Variants in DACT3 observed in about 807,000 individuals in gnomAD.
DACT3 encodes the protein dishevelled binding antagonist of beta catenin 3.
DACT3 carries 5 observed loss-of-function variants against 19.6 expected under a neutral mutation model. That is an observed-to-expected ratio of 0.26 (90% CI 0.13 to 0.54). DACT3 has a LOEUF of 0.54. Ranked by LOEUF, DACT3 falls within the 20% of genes least tolerant of loss-of-function variation. The probability of loss-of-function intolerance (pLI) is 0.95; values close to 1 mark genes in which losing one functional copy is unlikely to be tolerated. For synonymous variants in DACT3, 454 were observed against 428.1 expected (o/e 1.06, Z -0.75); for missense variants, 908 against 927.4 (o/e 0.98, Z 0.27).
chr19:46,651,694 T>TGTG (rs1468405774), intron 3 of DACT3: 2 of 110,460 alleles, frequency 1.8e-5, no homozygotes, highest in Admixed American at 9.6e-5. Context: ...GTGTGTGTGG[T>TGTG]TGGTGTTTTA....
chr19:46,649,390 A>G lies in DACT3; in HGVS notation c.982T>C (p.Trp328Arg). 4 of 1,285,472 alleles carry G rather than the reference A, an allele frequency of 3.1e-6. No individual in the cohort carries two copies. Among genetic ancestry groups the G allele is most frequent in the Non-Finnish European group, 4.0e-6 (4 of 1,007,684 alleles). 79.6% of individuals were successfully genotyped at this position (1,285,472 alleles called of 1,614,324 possible). ...AALSRAWASS[W>R]ESEAAPEPAA... The stretch of plus-strand genomic sequence containing the variant: ...GGCTCGGGTGCCGCCTCCGACTCCC[A>G]CGACGACGCCCAGGCGCGGCTCAAG... The change falls in exon 4 of 4, where the codon TGG (tryptophan) becomes CGG (arginine). Residue 328 changes from tryptophan to arginine, a missense_variant. Transcript: ENST00000391916.
At chr19:46,659,055 G>T (rs1361942437) in intron 1 of DACT3, 14 of 980,250 alleles carry the variant, frequency 1.4e-5, no homozygotes, top group Non-Finnish European at 1.7e-5. Flanking sequence ...GGGGCTGGGG[G>T]TGGGGGGATA....
In DACT3 at chr19:46,661,148, G is replaced by T. The variant is rs945827051; in HGVS notation, c.-84C>A. 5 of 1,271,366 alleles carry T rather than the reference G, an allele frequency of 3.9e-6. No homozygotes were observed. The highest frequency in any genetic ancestry group is 5.0e-6 in the Non-Finnish European group (5 of 1,002,008). The allele number at this position is 1,271,366 out of a possible 1,614,324, so 78.8% of individuals were successfully genotyped here. On this transcript the variant is annotated 5_prime_UTR_variant, in exon 1 of 4. Transcript: ENST00000391916. ...ACCTCCCCGCCCCAGCAGCCTGCCC[G>T]CCCGCCCGCTGGCCGGGCTGTCACC...
chr19:46,653,539 T>TTTTTTTTATTTATTTATTTATTTA (rs1555822614), intron 1 of DACT3, among the ~76,000 whole-genome samples: 55 of 141,218 alleles, frequency 3.9e-4, no homozygotes, highest in African/African-American at 5.8e-4. Context: ...CTTTTTTTAT[T>TTTTTTTTATTTATTTATTTATTTA]TTTATTTATT....
chr19:46,660,716 C>T lies in DACT3; in HGVS notation c.249+100G>A. On this transcript the variant is annotated intron_variant, in intron 1 of 3. Coordinates refer to ENST00000391916, the MANE Select transcript of DACT3 (RefSeq NM_145056.3). The surrounding 1 kb of genome is among the most constrained non-coding windows in gnomAD (Gnocchi z 4.9). The stretch of plus-strand genomic sequence containing the variant: ...ACCCCCTGTCCTTTCTCACTCCCTG[C>T]CTACCCGGGTCCCCAACCCCCGCCC... The T allele has an allele frequency of 7.1e-7, 1 of 1,400,758 alleles. No homozygotes were observed. The highest frequency in any genetic ancestry group is 9.2e-7 in the Non-Finnish European group (1 of 1,082,856). The allele number at this position is 1,400,758 out of a possible 1,614,324, so 86.8% of individuals were successfully genotyped here.
chr19:46,648,351 T>G lies in DACT3; in HGVS notation c.*131A>C. The G allele has an allele frequency of 2.9e-6, 4 of 1,402,648 alleles. No homozygotes were observed. Among genetic ancestry groups the G allele is most frequent in the Non-Finnish European group, 3.9e-6 (4 of 1,023,338 alleles). 86.9% of individuals were successfully genotyped at this position (1,402,648 alleles called of 1,614,324 possible). ...CCTTTTCAACCAAGACTGTTAGGAG[T>G]GGGGAGAGTGAGGGGGGTCTTTGGA... On this transcript the variant is annotated 3_prime_UTR_variant, in exon 4 of 4. Transcript: ENST00000391916. The surrounding 1 kb of genome is among the most constrained non-coding windows in gnomAD (Gnocchi z 5.1).
Position 46,649,178 on chromosome 19 carries a change from C to G in DACT3, c.1194G>C (p.Arg398=), listed in dbSNP as rs1245861457. 2 of 1,214,580 alleles carry G rather than the reference C, an allele frequency of 1.6e-6. No individual in the cohort carries two copies. Among genetic ancestry groups the G allele is most frequent in the Non-Finnish European group, 2.0e-6 (2 of 977,354 alleles). The allele number at this position is 1,214,580 out of a possible 1,614,324, so 75.2% of individuals were successfully genotyped here. ...CCATGCGTCCACGGCGGCCGGCGGC[C>G]CGGGGACGCTCCCGGGGTGGTGACT... The part of the protein sequence containing the change: ...VEQSPPRERP[R]AAGRRGRMAE... Residue 398 remains arginine, a synonymous_variant, in exon 4 of 4, where the codon CGG becomes CGC. Coordinates refer to ENST00000391916, the MANE Select transcript of DACT3 (RefSeq NM_145056.3).
rs2053054938 is a variant in DACT3 at position 46,659,202 on chromosome 19, C to A, written c.249+1614G>T. On this transcript the variant is annotated intron_variant, in intron 1 of 3. Transcript: ENST00000391916. ...TCCTCCCCCCGCCTGCCACCGCCTC[C>A]TCCCTGATGCTGGGACAAGCTTTGC... 4.1e-6 allele frequency: 4 copies of A among 985,122 alleles called. No individual in the cohort carries two copies. In the Admixed American group the frequency reaches 2.5e-4, roughly 61 times the overall value. 61.0% of individuals were successfully genotyped at this position (985,122 alleles called of 1,614,324 possible).
At chr19:46,650,127 A>AT (rs58142251) in intron 3 of DACT3, 8,062 of 96,028 alleles carry the variant, frequency 0.084, 1,333 homozygotes, top group African/African-American at 0.18. Flanking sequence ...CTTACCCCCT[A>AT]TTTTTTTTTT....
At chr19:46,654,517 T>G in intron 1 of DACT3, 1 of 971,098 alleles carries the variant, frequency 1.0e-6, no homozygotes, top group Non-Finnish European at 1.2e-6. Context: ...AAAAGAAATT[T>G]CCATGAGTCT....
intron 1 of DACT3, chr19:46,654,181 G>C (rs10408660): frequency 1.0e-6 from 1 of 984,900 alleles, no homozygotes; most frequent in Non-Finnish European, 1.2e-6. Context: ...TTTCCTCATC[G>C]CCATGAGAAA....
At chr19:46,651,065 C>CTATTTATTTATTTATTTATTTATCTATT (rs2052979245) in intron 3 of DACT3, 11 of 148,562 alleles carry the variant, frequency 7.4e-5, no homozygotes, top group African/African-American at 2.0e-4. Flanking sequence ...ATTTATTTAT[C>CTATTTATTTATTTATTTATTTATCTATT]TATTTATTTA....
At position 46,648,516 on chromosome 19, in the gene DACT3, C is replaced by G. The variant is rs201752436; in HGVS notation, c.1856G>C (p.Arg619Pro). 1.9e-6 allele frequency: 3 copies of G among 1,613,992 alleles called. No individual in the cohort carries two copies. Among genetic ancestry groups the G allele is most frequent in the Non-Finnish European group, 1.7e-6 (2 of 1,179,884 alleles). ...AGTCATGACCTTGAGAGAACCCGAA[C>G]GGAAACGCAGTATCTTTTTCTTGAG... Reference protein sequence around the residue: ...HALKKKILRFRSGSLKVMTTV With the variant: ...HALKKKILRFPSGSLKVMTTV Residue 619 changes from arginine (R) to proline (P), a missense_variant, in exon 4 of 4, where the codon CGT becomes CCT. Arg to Pro is a moderately radical substitution (Grantham distance 103). Coordinates refer to ENST00000391916, the MANE Select transcript of DACT3 (RefSeq NM_145056.3). This position sits in a 1 kb window ranked among gnomAD's most constrained non-coding sequence, Gnocchi z 5.1.
At chr19:46,653,102 T>A in intron 1 of DACT3, 27 bp from the exon 2 acceptor site, 1 of 1,549,688 alleles carries the variant, frequency 6.5e-7, no homozygotes, top group East Asian at 2.4e-5. Context: ...AGAAGGATGG[T>A]CAGAAGGCCC....
chr19:46,657,346 CTTTTTTT>C (rs71177239), intron 1 of DACT3, among the ~76,000 whole-genome samples: 43 of 69,408 alleles, frequency 6.2e-4, no homozygotes, highest in African/African-American at 1.9e-3. Flanking sequence ...AAATGAGTTT[CTTTTTTT>C]TTTTTTTTTT....
chr19:46,656,898 A>G (rs182499742), intron 1 of DACT3, among the ~76,000 whole-genome samples: 1 of 152,322 alleles, frequency 6.6e-6, no homozygotes, highest in Admixed American at 6.5e-5. Flanking sequence ...GTCACGCCCA[A>G]GTAGTTGTAT....
At position 46,660,776 on chromosome 19, in the gene DACT3, A is replaced by C; in HGVS notation, c.249+40T>G. 6.9e-7 allele frequency: 1 copy of C among 1,444,194 alleles called. No individual in the cohort carries two copies. The highest frequency in any genetic ancestry group is 9.1e-7 in the Non-Finnish European group (1 of 1,103,300). The allele number at this position is 1,444,194 out of a possible 1,614,324, so 89.5% of individuals were successfully genotyped here. A position where few individuals can be genotyped will look rare whatever the true frequency, so the allele number is the denominator to read the frequency against. On this transcript the variant is annotated intron_variant, in intron 1 of 3. Coordinates refer to ENST00000391916, the MANE Select transcript of DACT3 (RefSeq NM_145056.3). The surrounding 1 kb of genome is among the most constrained non-coding windows in gnomAD (Gnocchi z 4.9). ...GCATCCAACCGAGACAGACAGACAC[A>C]GACGGGGGTGGAGGGACGGACGGAC...
In DACT3 at chr19:46,653,093, G is replaced by A; in HGVS notation, c.250-18C>T. On this transcript the variant is annotated intron_variant, in intron 1 of 3. Transcript: ENST00000391916. ...AGGGCCTCCTGAAGGCATAGGGAGA[G>A]AAGGATGGTCAGAAGGCCCCCAGTC... 6.4e-7 allele frequency: 1 copy of A among 1,550,458 alleles called. No individual in the cohort carries two copies. Among genetic ancestry groups the A allele is most frequent in the Non-Finnish European group, 8.7e-7 (1 of 1,146,912 alleles).
intron 1 of DACT3, chr19:46,659,215 G>C: frequency 1.0e-6 from 1 of 985,296 alleles, no homozygotes; most frequent in Non-Finnish European, 1.2e-6. Context: ...CCTGATGCTG[G>C]GACAAGCTTT....
Sources: gnomAD v4.1 joint callset for allele counts (sites outside exome capture counted in the v4.1 genomes callset) on GRCh38, gnomAD v4.1.1 for gene constraint, Gnocchi (gnomAD v3.1) non-coding constraint, MANE v1.5 for transcripts, NCBI Gene and HGNC (gene_info 2026-07-23, HGNC 2026-07-21) for gene names.